The following PIEZO2 variants were observed in gnomAD, a reference collection of about 807,000 sequenced individuals.
PIEZO2 encodes the protein piezo-type mechanosensitive ion channel component 2.
Under a neutral mutation model 337.3 loss-of-function variants are expected in PIEZO2, and 172 were observed. That is an observed-to-expected ratio of 0.51 (90% CI 0.45 to 0.58). The LOEUF is 0.58. PIEZO2 is among the 20% of genes least tolerant of loss of function. PIEZO2 has a pLI of 0.00. For missense variants in PIEZO2, 3,028 were observed against 3,391.3 expected (o/e 0.89, Z 2.66); for synonymous variants, 1,251 against 1,228.5 (o/e 1.02, Z -0.38).
In PIEZO2 at chr18:10,795,072, T is replaced by A. The variant is rs564022418; in HGVS notation, c.1528-70A>T. ...CTCAGTCCCCCCCGCCCTGGTAAGG[T>A]AAAAACTATCTAAAAAGAAAAGGTC... On this transcript the variant is annotated intron_variant, in intron 12 of 55. Coordinates refer to ENST00000674853, the MANE Select transcript of PIEZO2 (RefSeq NM_001378183.1). This position sits in a 1 kb window ranked among gnomAD's most constrained non-coding sequence, Gnocchi z 4.4. The A allele has an allele frequency of 2.3e-6, 3 of 1,287,474 alleles. No homozygotes were observed. The highest frequency in any genetic ancestry group is 1.3e-5 in the South Asian group (1 of 76,168). 79.8% of individuals were successfully genotyped at this position (1,287,474 alleles called of 1,614,324 possible).
intron 2 of PIEZO2, among the ~76,000 whole-genome samples, chr18:11,012,582 C>T (rs144134215): frequency 2.4e-4 from 37 of 152,222 alleles, no homozygotes; most frequent in African/African-American, 7.7e-4. Flanking sequence ...GTGCTGATTT[C>T]GATTGATTTT....
At chr18:10,881,147 C>A (rs561643825) in intron 4 of PIEZO2, among the ~76,000 whole-genome samples, 1 of 151,550 alleles carries the variant, frequency 6.6e-6, no homozygotes, top group South Asian at 2.1e-4. Context: ...TTTTTTTAAA[C>A]CACAAAACAG....
At chr18:10,755,262 T>C (rs1490949774) in intron 27 of PIEZO2, among the ~76,000 whole-genome samples, 4 of 152,032 alleles carry the variant, frequency 2.6e-5, no homozygotes, top group Non-Finnish European at 5.9e-5. Flanking sequence ...CTGGCTTGGG[T>C]ACTATCAGTG....
chr18:10,822,775 A>G lies in PIEZO2; in HGVS notation c.918-15501T>C, dbSNP rs182782666. Among the ~76,000 whole-genome samples the G allele has an allele frequency of 2.4e-4, 37 of 152,326 alleles. No homozygotes were observed. In the East Asian group the frequency reaches 4.2e-3, roughly 17 times the overall value. ...TGCACTAAGCGGCTAATGAATGTCT[A>G]CTTGCCAAGTTTCTAAAAGGGAGTA... On this transcript the variant is annotated intron_variant, in intron 7 of 55. Coordinates refer to ENST00000674853, the MANE Select transcript of PIEZO2 (RefSeq NM_001378183.1).
In PIEZO2 at chr18:10,988,201, T is replaced by A. The variant is rs1483333869; in HGVS notation, c.161-8541A>T. Among the ~76,000 whole-genome samples, 1 of 152,132 alleles carries A rather than the reference T, an allele frequency of 6.6e-6. No homozygotes were observed. Among genetic ancestry groups the A allele is most frequent in the Non-Finnish European group, 1.5e-5 (1 of 68,014 alleles). On this transcript the variant is annotated intron_variant, in intron 2 of 55. Coordinates refer to ENST00000674853, the MANE Select transcript of PIEZO2 (RefSeq NM_001378183.1). This position sits in a 1 kb window ranked among gnomAD's most constrained non-coding sequence, Gnocchi z 4.8. ...TTGCCATGTGAGGACACAGTGTCCA[T>A]CCCCTCTGGAGGATGAAGCAACACA...
At chr18:10,924,961 T>C (rs1431898293) in intron 3 of PIEZO2, among the ~76,000 whole-genome samples, 1 of 152,214 alleles carries the variant, frequency 6.6e-6, no homozygotes, top group Non-Finnish European at 1.5e-5. Flanking sequence ...AAATAAAAAC[T>C]TATGAAGCAC....
chr18:10,698,985 A>T lies in PIEZO2; in HGVS notation c.6634T>A (p.Ser2212Thr), dbSNP rs1001366030. The change falls in exon 44 of 56, where the codon TCC becomes ACC. Residue 2212 changes from serine to threonine, a missense_variant. By Grantham distance (58) the Ser-to-Thr change is moderately conservative. Transcript: ENST00000674853. ...TGGGATGGCTCGGAGCTGCTGCCGG[A>T]GCGCTTCCTCCGGACAGCTGTCTGC... ...EQQTAVRRKR[S>T]GSSSEPSQRS... The T allele has an allele frequency of 6.5e-7, 1 of 1,536,928 alleles. No individual in the cohort carries two copies. The highest frequency in any genetic ancestry group is 8.7e-7 in the Non-Finnish European group (1 of 1,146,908).
In PIEZO2 at chr18:10,673,023, G is replaced by A; in HGVS notation, c.8162-150C>T. 1 of 645,932 alleles carries A rather than the reference G, an allele frequency of 1.5e-6. No individual in the cohort carries two copies. The highest frequency in any genetic ancestry group is 2.9e-5 in the East Asian group (1 of 34,536). The allele number at this position is 645,932 out of a possible 1,614,324, so 40.0% of individuals were successfully genotyped here. A position where few individuals can be genotyped will look rare whatever the true frequency, so the allele number is the denominator to read the frequency against. On this transcript the variant is annotated intron_variant, in intron 54 of 55. Transcript: ENST00000674853. The surrounding 1 kb of genome is among the most constrained non-coding windows in gnomAD (Gnocchi z 4.8). ...GCATGGACATACTAGAAGCGTGAAT[G>A]GGCAAGGAAGAGAGGGCCCTGGGTA...
Position 11,111,602 on chromosome 18 carries a change from C to A in PIEZO2, c.64+36923G>T, listed in dbSNP as rs11875757. 0.15 allele frequency among the ~76,000 whole-genome samples: 23,462 copies of A among 152,024 alleles called. 3,068 individuals carry two copies. Among genetic ancestry groups the A allele is most frequent in the African/African-American group, 0.36 (14,891 of 41,406 alleles). On this transcript the variant is annotated intron_variant, in intron 1 of 55. Transcript: ENST00000674853. The surrounding 1 kb of genome is among the most constrained non-coding windows in gnomAD (Gnocchi z 6.2). ...CTGGGACCCTGTAGGGACTTTAACTCAAGAGTCTTGATCCAGTTCTTCTCC... is the reference window on the plus strand; with the variant it reads ...CTGGGACCCTGTAGGGACTTTAACTAAAGAGTCTTGATCCAGTTCTTCTCC...
At chr18:10,684,108 CTTTCT>C (rs1458677718) in intron 49 of PIEZO2, among the ~76,000 whole-genome samples, 1 of 123,340 alleles carries the variant, frequency 8.1e-6, no homozygotes, top group Non-Finnish European at 1.6e-5. Context: ...TTCTCTCTCT[CTTTCT>C]TTCTTTCTTT....
At position 11,002,374 on chromosome 18, in the gene PIEZO2, AG is replaced by A. The variant is rs1433036273; in HGVS notation, c.161-22715del. On this transcript the variant is annotated intron_variant, in intron 2 of 55. Transcript: ENST00000674853. This position sits in a 1 kb window ranked among gnomAD's most constrained non-coding sequence, Gnocchi z 4.3. Reference sequence around the variant, plus strand: ...TTTTCATCAGTAAAAAGAAACCAAAAGGACTGTGTTTTGATATTCAAGAAAT... The same window carrying A: ...TTTTCATCAGTAAAAAGAAACCAAAAGACTGTGTTTTGATATTCAAGAAAT... Among the ~76,000 whole-genome samples, 1 of 152,214 alleles carries A rather than the reference AG, an allele frequency of 6.6e-6. No homozygotes were observed. The highest frequency in any genetic ancestry group is 1.5e-5 in the Non-Finnish European group (1 of 68,044).
chr18:11,024,942 G>T (rs1383474255), intron 2 of PIEZO2, among the ~76,000 whole-genome samples: 5 of 144,032 alleles, frequency 3.5e-5, no homozygotes, highest in Admixed American at 7.0e-5. Flanking sequence ...CCCAGCGAAG[G>T]TTTTTTTTTT....
At position 10,852,489 on chromosome 18, in the gene PIEZO2, A is replaced by C. The variant is rs187266807; in HGVS notation, c.917+2864T>G. Among the ~76,000 whole-genome samples, 347 of 152,246 alleles carry C rather than the reference A, an allele frequency of 2.3e-3. 2 individuals carry two copies. The highest frequency in any genetic ancestry group is 7.1e-3 in the African/African-American group (294 of 41,534). On this transcript the variant is annotated intron_variant, in intron 7 of 55. Coordinates refer to ENST00000674853, the MANE Select transcript of PIEZO2 (RefSeq NM_001378183.1). ...CCTCTCTCTCTCTCTTTTTGTTAGC[A>C]CTGTATAGACACAGTCAGCCACAAC...
intron 16 of PIEZO2, among the ~76,000 whole-genome samples, chr18:10,785,255 T>C (rs913405601): frequency 6.6e-6 from 1 of 152,214 alleles, no homozygotes; most frequent in Non-Finnish European, 1.5e-5. Flanking sequence ...CACACTCTCT[T>C]GGTTTCTTGT....
At chr18:10,880,943 C>T (rs1013372399) in intron 4 of PIEZO2, among the ~76,000 whole-genome samples, 12 of 131,144 alleles carry the variant, frequency 9.2e-5, no homozygotes, top group African/African-American at 3.5e-4. Context: ...TAATATCTGA[C>T]CTCATATAGC....
intron 1 of PIEZO2, among the ~76,000 whole-genome samples, chr18:11,081,572 G>T (rs1358575496): frequency 6.6e-6 from 1 of 152,138 alleles, no homozygotes; most frequent in Non-Finnish European, 1.5e-5. Context: ...GACCTCCTGA[G>T]CCATCCTGGG....
intron 4 of PIEZO2, among the ~76,000 whole-genome samples, chr18:10,891,320 T>TA (rs1054665783): frequency 3.0e-4 from 45 of 151,286 alleles, no homozygotes; most frequent in Non-Finnish European, 4.7e-4. Flanking sequence ...GAGACTCTGT[T>TA]AAAAAAAAAT....
chr18:10,759,774 A>C lies in PIEZO2; in HGVS notation c.3586T>G (p.Cys1196Gly), dbSNP rs1251634528. 1.3e-6 allele frequency: 2 copies of C among 1,537,238 alleles called. No individual in the cohort carries two copies. Among genetic ancestry groups the C allele is most frequent in the East Asian group, 4.9e-5 (2 of 40,936 alleles). ...AIAEIWPKYC[C>G]FLACIITFQY... ...AAGGTGATGATGCATGCCAGGAAGC[A>C]GCAGTACTTGGGCCAGATCTCTGCG... Residue 1196 changes from cysteine (C) to glycine (G), a missense_variant, in exon 25 of 56, where the codon TGC (cysteine) becomes GGC (glycine). Coordinates refer to ENST00000674853, the MANE Select transcript of PIEZO2 (RefSeq NM_001378183.1). This position sits in a 1 kb window ranked among gnomAD's most constrained non-coding sequence, Gnocchi z 5.5.
chr18:10,904,345 T>C (rs1253634807), intron 4 of PIEZO2, among the ~76,000 whole-genome samples: 2 of 152,242 alleles, frequency 1.3e-5, no homozygotes, highest in Non-Finnish European at 2.9e-5. Context: ...CTCTACTAGC[T>C]GTGCAATCTT....
Sources: gnomAD v4.1 joint callset for allele counts (sites outside exome capture counted in the v4.1 genomes callset) on GRCh38, gnomAD v4.1.1 for gene constraint, Gnocchi (gnomAD v3.1) non-coding constraint, MANE v1.5 for transcripts, NCBI Gene and HGNC (gene_info 2026-07-23, HGNC 2026-07-21) for gene names.